Variants in RBFOX1 observed in about 807,000 individuals in gnomAD.
RBFOX1 encodes the protein RNA binding fox-1 homolog 1, also known as RNA binding protein fox-1 homolog 1.
RBFOX1 carries 8 observed loss-of-function variants against 57.7 expected under a neutral mutation model. The observed-to-expected ratio is 0.14, with a 90% CI of 0.08 to 0.25. The LOEUF is 0.25. RBFOX1 is among the 10% of genes least tolerant of loss of function. The probability of loss-of-function intolerance (pLI) is 1.00; values close to 1 mark genes in which losing one functional copy is unlikely to be tolerated. For synonymous variants in RBFOX1, 326 were observed against 222.4 expected (o/e 1.47, Z -4.15); for missense variants, 611 against 548.5 (o/e 1.11, Z -1.14).
intron 2 of RBFOX1, among the ~76,000 whole-genome samples, chr16:5,554,999 G>A (rs577854254): frequency 6.6e-6 from 1 of 152,196 alleles, no homozygotes; most frequent in South Asian, 2.1e-4. Context: ...GATGTTTATG[G>A]TCACAGACTG....
At chr16:6,256,213 A>ATGTG (rs2097663708) in intron 1 of RBFOX1, among the ~76,000 whole-genome samples, 4 of 67,144 alleles carry the variant, frequency 6.0e-5, no homozygotes, top group Admixed American at 2.2e-4. Flanking sequence ...GTATATGTGT[A>ATGTG]TATATATGTA....
intron 1 of RBFOX1, among the ~76,000 whole-genome samples, chr16:6,125,534 C>T (rs974793065): frequency 1.3e-4 from 20 of 152,134 alleles, no homozygotes; most frequent in Non-Finnish European, 2.2e-4. Context: ...GAGAGTTAAA[C>T]AATGTGAATG....
At chr16:6,069,389 ACT>A (rs2095807238) in intron 1 of RBFOX1, among the ~76,000 whole-genome samples, 1 of 123,578 alleles carries the variant, frequency 8.1e-6, no homozygotes, top group Non-Finnish European at 1.7e-5. Flanking sequence ...CAAGAGCGAA[ACT>A]CTGCCTCAAA....
intron 4 of RBFOX1, among the ~76,000 whole-genome samples, chr16:7,168,980 C>T (rs59673378): frequency 0.072 from 11,010 of 152,134 alleles, 951 homozygotes; most frequent in East Asian, 0.37. Flanking sequence ...AATTCTGATA[C>T]TCTAATTAAG....
chr16:5,533,535 C>G (rs2044571422), intron 2 of RBFOX1, among the ~76,000 whole-genome samples: 1 of 152,134 alleles, frequency 6.6e-6, no homozygotes, highest in Non-Finnish European at 1.5e-5. Flanking sequence ...CATTTAAAGT[C>G]TGAGCAGACT....
chr16:6,172,004 G>T (rs1291556034), intron 1 of RBFOX1, among the ~76,000 whole-genome samples: 1 of 151,878 alleles, frequency 6.6e-6, no homozygotes, highest in African/African-American at 2.4e-5. Flanking sequence ...TGTATTTTTA[G>T]TAGAGATGGG....
At chr16:5,529,077 G>T (rs376118656) in intron 2 of RBFOX1, among the ~76,000 whole-genome samples, 2 of 152,016 alleles carry the variant, frequency 1.3e-5, no homozygotes, top group Admixed American at 6.6e-5. Flanking sequence ...TCTCTCATCA[G>T]TGTCCATAAG....
intron 3 of RBFOX1, among the ~76,000 whole-genome samples, chr16:6,857,536 T>A (rs2058129859): frequency 6.6e-6 from 1 of 152,200 alleles, no homozygotes; most frequent in South Asian, 2.1e-4. Context: ...TTTGGTCCTT[T>A]TTTTATTGAC....
intron 1 of RBFOX1, among the ~76,000 whole-genome samples, chr16:6,083,322 G>A (rs2096036035): frequency 6.6e-6 from 1 of 152,084 alleles, no homozygotes; most frequent in South Asian, 2.1e-4. Context: ...TTATACTAAG[G>A]TGGAACATGC....
chr16:5,716,432 G>A (rs1177199506), intron 3 of RBFOX1, among the ~76,000 whole-genome samples: 2 of 152,116 alleles, frequency 1.3e-5, no homozygotes, highest in African/African-American at 4.8e-5. Flanking sequence ...CAGTGTCCAT[G>A]TGTCCAACAA....
At chr16:5,507,161 A>G (rs111367522) in intron 2 of RBFOX1, among the ~76,000 whole-genome samples, 66 of 152,176 alleles carry the variant, frequency 4.3e-4, no homozygotes, top group African/African-American at 1.5e-3. Context: ...GATGAAGAAA[A>G]CAAATTCGGG....
At chr16:6,862,951 C>A (rs1289114392) in intron 3 of RBFOX1, among the ~76,000 whole-genome samples, 1 of 151,036 alleles carries the variant, frequency 6.6e-6, no homozygotes, top group Admixed American at 6.6e-5. Flanking sequence ...CGGCACTGCA[C>A]TCCAGCCTGG....
intron 4 of RBFOX1, among the ~76,000 whole-genome samples, chr16:7,111,303 G>A (rs943057795): frequency 1.3e-5 from 2 of 152,190 alleles, no homozygotes; most frequent in Non-Finnish European, 2.9e-5. Context: ...GCTAATCAAT[G>A]AAGATTAATA....
intron 4 of RBFOX1, among the ~76,000 whole-genome samples, chr16:7,267,368 C>G (rs965148045): frequency 6.8e-6 from 1 of 147,524 alleles, no homozygotes; most frequent in East Asian, 2.0e-4. Flanking sequence ...AACCCCGTCT[C>G]TACTAAAAAT....
At chr16:6,336,145 A>T (rs2083638564) in intron 2 of RBFOX1, among the ~76,000 whole-genome samples, 3 of 72,324 alleles carry the variant, frequency 4.1e-5, no homozygotes, top group Non-Finnish European at 8.1e-5. Flanking sequence ...ATTCATATAT[A>T]TACATATACA....
chr16:5,664,705 T>C (rs187150276), intron 3 of RBFOX1, among the ~76,000 whole-genome samples: 1 of 152,330 alleles, frequency 6.6e-6, no homozygotes, highest in East Asian at 1.9e-4. Context: ...AAATCAGAAG[T>C]TCCTAAGTGG....
intron 3 of RBFOX1, among the ~76,000 whole-genome samples, chr16:6,895,968 G>C (rs1205652086): frequency 6.6e-6 from 1 of 152,108 alleles, no homozygotes; most frequent in Non-Finnish European, 1.5e-5. Flanking sequence ...TACCAAAGAT[G>C]TTTTGATACA....
chr16:6,823,675 C>T (rs1742638379), intron 3 of RBFOX1, among the ~76,000 whole-genome samples: 1 of 152,198 alleles, frequency 6.6e-6, no homozygotes, highest in Non-Finnish European at 1.5e-5. Context: ...CAGTGGAAAT[C>T]ATTCTTCTTC....
chr16:7,633,643 G>C (rs2061327771), intron 11 of RBFOX1, among the ~76,000 whole-genome samples: 2 of 152,144 alleles, frequency 1.3e-5, no homozygotes, highest in South Asian at 4.1e-4. Context: ...ACTTGTCGAG[G>C]CTTAAGCAAG....
Sources: gnomAD v4.1 joint callset for allele counts (sites outside exome capture counted in the v4.1 genomes callset) on GRCh38, gnomAD v4.1.1 for gene constraint, MANE v1.5 for transcripts, NCBI Gene and HGNC (gene_info 2026-07-23, HGNC 2026-07-21) for gene names.